Variants in ASTN2 observed in about 807,000 individuals in gnomAD.
ASTN2 encodes the protein astrotactin-2.
Under a neutral mutation model 139.8 loss-of-function variants are expected in ASTN2, and 54 were observed. The observed-to-expected ratio is 0.39, with a 90% CI of 0.31 to 0.48. The LOEUF is 0.48. Among genes scored for constraint, ASTN2 ranks in the 20% least tolerant of loss-of-function variants. The pLI is 0.95. For synonymous variants in ASTN2, 756 were observed against 719.5 expected, an observed-to-expected ratio of 1.05 and a Z score of -0.81; for missense variants, 1,565 against 1,725.1, an observed-to-expected ratio of 0.91 and a Z score of 1.64.
chr9:117,178,216 T>A (rs1051744026), intron 3 of ASTN2, among the ~76,000 whole-genome samples: 17 of 152,276 alleles, frequency 1.1e-4, no homozygotes, highest in South Asian at 1.0e-3. Flanking sequence ...TATGAATGCA[T>A]TCATGTAACA....
chr9:116,773,212 T>C (rs1280724698), intron 13 of ASTN2, among the ~76,000 whole-genome samples: 1 of 152,196 alleles, frequency 6.6e-6, no homozygotes, highest in Non-Finnish European at 1.5e-5. Flanking sequence ...CTGGGGCCAT[T>C]AGCCTTTAGC....
rs1282552031 is a variant in ASTN2, at chr9:117,414,784, G to T, written c.155C>A (p.Thr52Asn). The T allele has an allele frequency of 1.3e-5, 16 of 1,256,056 alleles. No individual in the cohort carries two copies. The highest frequency in any genetic ancestry group is 1.4e-5 in the Non-Finnish European group (14 of 999,772). The allele number at this position is 1,256,056 out of a possible 1,614,324, so 77.8% of individuals were successfully genotyped here. A position where few individuals can be genotyped will look rare whatever the true frequency, so the allele number is the denominator to read the frequency against. ...GTCGGGCTCCCGCGAGGCAGCGGCG[G>T]TGGCGCCGGCCAGCAGCGGCGGCGG... ...LPPPPLLAGATAAASREPDSP... is the reference protein window; with the variant it reads ...LPPPPLLAGANAAASREPDSP... Residue 52 changes from threonine (T) to asparagine (N), a missense_variant, in exon 1 of 23, where the codon ACC becomes AAC. By Grantham distance (65) the Thr-to-Asn change is moderately conservative. This residue lies in a region of ASTN2 where 596 missense variants were observed against 576.8 expected (regional missense o/e 1.03). Transcript: ENST00000313400. The surrounding 1 kb of genome is among the most constrained non-coding windows in gnomAD (Gnocchi z 4.2).
At chr9:116,761,489 T>G (rs577903905) in intron 13 of ASTN2, among the ~76,000 whole-genome samples, 5 of 152,084 alleles carry the variant, frequency 3.3e-5, no homozygotes, top group Non-Finnish European at 7.3e-5. Context: ...CTGGAGGAGT[T>G]GGCGGACTCC....
At chr9:116,997,924 C>CG in intron 7 of ASTN2, among the ~76,000 whole-genome samples, 1 of 152,208 alleles carries the variant, frequency 6.6e-6, no homozygotes, top group East Asian at 1.9e-4. Context: ...TGGCTGTTGT[C>CG]TAACACTCCA....
chr9:116,993,678 T>A (rs1836924594), intron 7 of ASTN2, among the ~76,000 whole-genome samples: 2 of 148,062 alleles, frequency 1.4e-5, no homozygotes, highest in South Asian at 4.2e-4. Context: ...TAACGAAATA[T>A]ATTTAGTAAA....
chr9:117,299,119 A>C (rs1204830870), intron 1 of ASTN2, among the ~76,000 whole-genome samples: 3 of 152,208 alleles, frequency 2.0e-5, no homozygotes, highest in Non-Finnish European at 4.4e-5. Context: ...TTCTGTTTAG[A>C]CATGAGTATG....
At chr9:117,014,819 G>T (rs1318219185) in intron 6 of ASTN2, among the ~76,000 whole-genome samples, 1 of 152,160 alleles carries the variant, frequency 6.6e-6, no homozygotes, top group South Asian at 2.1e-4. Context: ...GAGGACACAG[G>T]GAGAGGACAG....
rs1158570373 is a variant in ASTN2, at chr9:116,530,384, T to G, written c.3356-42884A>C. On this transcript the variant is annotated intron_variant, in intron 19 of 22. Transcript: ENST00000313400. ...ATGTTGGTCAAAGGACACAAAATTT[T>G]AGTTAGGAAGAATAAATTTAAGAGA... Among the ~76,000 whole-genome samples, 2 of 151,422 alleles carry G rather than the reference T, an allele frequency of 1.3e-5. 1 individual carries two copies. Among genetic ancestry groups the G allele is most frequent in the African/African-American group, 4.8e-5 (2 of 41,296 alleles).
intron 10 of ASTN2, among the ~76,000 whole-genome samples, chr9:116,891,785 G>A (rs12000683): frequency 0.021 from 3,244 of 152,264 alleles, 57 homozygotes; most frequent in East Asian, 0.074. Context: ...TTACATATAT[G>A]TTTTTAAAGT....
chr9:116,541,239 T>C (rs1851866017), intron 19 of ASTN2, among the ~76,000 whole-genome samples: 1 of 152,146 alleles, frequency 6.6e-6, no homozygotes. Context: ...GTGATCATAG[T>C]AGGAAATTTA....
chr9:117,374,488 TAA>T (rs1383561259), intron 1 of ASTN2, among the ~76,000 whole-genome samples: 1 of 147,746 alleles, frequency 6.8e-6, no homozygotes, highest in East Asian at 2.0e-4. Context: ...TGGACCACAA[TAA>T]CTCAAAAATG....
chr9:117,217,232 T>G (rs943340461), intron 2 of ASTN2, among the ~76,000 whole-genome samples: 1 of 152,154 alleles, frequency 6.6e-6, no homozygotes, highest in Non-Finnish European at 1.5e-5. Context: ...CAGAGAAGAT[T>G]TTCATTCTGG....
Position 117,096,025 on chromosome 9 carries a change from C to G in ASTN2, c.1276+19G>C. The G allele has an allele frequency of 6.2e-7, 1 of 1,609,570 alleles. No individual in the cohort carries two copies. Among genetic ancestry groups the G allele is most frequent in the Non-Finnish European group, 8.5e-7 (1 of 1,176,170 alleles). On this transcript the variant is annotated intron_variant, in intron 5 of 22. Coordinates refer to ENST00000313400, the MANE Select transcript of ASTN2 (RefSeq NM_001365068.1). The stretch of plus-strand genomic sequence containing the variant: ...CTTCTACAAACTCTGGTTCTGGAAC[C>G]TTCCAAGGACACTATTACCTTTGCT...
chr9:116,743,620 G>A (rs977729810), intron 13 of ASTN2, among the ~76,000 whole-genome samples: 6 of 152,100 alleles, frequency 3.9e-5, no homozygotes, highest in African/African-American at 4.8e-5. Flanking sequence ...CAAGCGATTC[G>A]CCTGCCTCCC....
chr9:116,620,068 T>C (rs978300426), intron 18 of ASTN2, among the ~76,000 whole-genome samples: 7 of 152,038 alleles, frequency 4.6e-5, no homozygotes, highest in African/African-American at 1.7e-4. Context: ...AAGGAAGAAA[T>C]GATGAACTGA....
rs537568853 is a variant in ASTN2 at position 117,346,829 on chromosome 9, C to T, written c.443-55316G>A. Among the ~76,000 whole-genome samples the T allele has an allele frequency of 7.2e-5, 11 of 152,198 alleles. No individual in the cohort carries two copies. In the East Asian group the frequency reaches 2.1e-3, roughly 29 times the overall value. ...ACTGCTAACCTCAATATATTCATTT[C>T]TCTGAACTTAATTTCCACTGTCTGC... On this transcript the variant is annotated intron_variant, in intron 1 of 22. Coordinates refer to ENST00000313400, the MANE Select transcript of ASTN2 (RefSeq NM_001365068.1).
At chr9:117,142,015 C>T (rs565892736) in intron 3 of ASTN2, among the ~76,000 whole-genome samples, 1 of 152,236 alleles carries the variant, frequency 6.6e-6, no homozygotes, top group African/African-American at 2.4e-5. Flanking sequence ...GCAGAGAAGA[C>T]AGCGTCCTGG....
intron 16 of ASTN2, chr9:116,697,916 T>C: frequency 6.2e-7 from 1 of 1,614,192 alleles, no homozygotes; most frequent in South Asian, 1.1e-5. Flanking sequence ...GCATCAATGG[T>C]GTCCGCTGTC....
chr9:116,606,167 A>C (rs1265809832), intron 19 of ASTN2, among the ~76,000 whole-genome samples: 1 of 152,104 alleles, frequency 6.6e-6, no homozygotes, highest in African/African-American at 2.4e-5. Context: ...CGGGGCATTC[A>C]GCCACCCCCC....
Sources: allele counts gnomAD v4.1 joint callset (sites outside exome capture counted in the v4.1 genomes callset), GRCh38; gene constraint gnomAD v4.1.1; regional missense constraint gnomAD v4.1.1; non-coding constraint Gnocchi (gnomAD v3.1); transcripts MANE v1.5; gene names NCBI Gene and HGNC (gene_info 2026-07-23, HGNC 2026-07-21).